VIT: variants seen among roughly 807,000 people sequenced by gnomAD.
VIT encodes the protein vitrin.
A neutral mutation model predicts 78.0 loss-of-function variants in VIT; 99 were observed. The ratio of observed to expected loss-of-function variants is 1.27; its 90% CI spans 1.08 to 1.50. VIT has a LOEUF of 1.50. Among genes scored for constraint, VIT ranks in the 40% most tolerant of loss-of-function variants. VIT has a pLI of 0.00. For synonymous variants in VIT, 374 were observed against 334.3 expected (o/e 1.12, Z -1.29); for missense variants, 1,126 against 875.3 (o/e 1.29, Z -3.61).
At chr2:36,716,309 C>T in intron 1 of VIT, 44 bp from the exon 2 acceptor site, 1 of 1,552,662 alleles carries the variant, frequency 6.4e-7, no homozygotes, top group Non-Finnish European at 8.9e-7. Context: ...CAAATCAGAA[C>T]CCCCGGCTGA....
At chr2:36,748,668 A>C (rs1235154563) in intron 4 of VIT, among the ~76,000 whole-genome samples, 4 of 152,172 alleles carry the variant, frequency 2.6e-5, no homozygotes, top group Admixed American at 2.6e-4. Flanking sequence ...TTAGGTTTCA[A>C]CTATCTTCTG....
chr2:36,705,140 A>G (rs147471401), intron 1 of VIT, among the ~76,000 whole-genome samples: 331 of 152,316 alleles, frequency 2.2e-3, no homozygotes, highest in Admixed American at 5.8e-3. Flanking sequence ...CCAAAGCTTC[A>G]TGAGAATCTT....
chr2:36,728,954 A>T (rs1174052618), intron 2 of VIT, among the ~76,000 whole-genome samples: 2 of 151,902 alleles, frequency 1.3e-5, no homozygotes, highest in Non-Finnish European at 2.9e-5. Flanking sequence ...TCACTGACTC[A>T]CCCAGAGCAA....
At chr2:36,698,321 C>T (rs1222857310) in intron 1 of VIT, among the ~76,000 whole-genome samples, 2 of 152,094 alleles carry the variant, frequency 1.3e-5, no homozygotes, top group Admixed American at 6.5e-5. Context: ...TCTTTTCCAC[C>T]AAGTTACTGA....
chr2:36,703,071 C>A (rs2148411559), intron 1 of VIT, among the ~76,000 whole-genome samples: 1 of 152,278 alleles, frequency 6.6e-6, no homozygotes, highest in African/African-American at 2.4e-5. Context: ...AATCATGGGA[C>A]AGACACCAAG....
intron 4 of VIT, among the ~76,000 whole-genome samples, chr2:36,749,707 A>C (rs1438414165): frequency 6.6e-6 from 1 of 152,208 alleles, no homozygotes; most frequent in South Asian, 2.1e-4. Flanking sequence ...TGCCCAGGAC[A>C]GCTTTGAGAT....
chr2:36,718,746 C>G (rs1666315530), intron 2 of VIT, among the ~76,000 whole-genome samples: 1 of 152,206 alleles, frequency 6.6e-6, no homozygotes. Flanking sequence ...TGCTATTATC[C>G]TCAGAGACTG....
chr2:36,765,710 A>C (rs1294123864), intron 6 of VIT, among the ~76,000 whole-genome samples: 2 of 152,272 alleles, frequency 1.3e-5, no homozygotes, highest in African/African-American at 2.4e-5. Context: ...CCACAAGCCA[A>C]GGAATGCCAG....
chr2:36,783,610 T>C (rs145851044), intron 11 of VIT, among the ~76,000 whole-genome samples: 144 of 152,224 alleles, frequency 9.5e-4, no homozygotes, highest in Non-Finnish European at 1.6e-3. Flanking sequence ...GATCAAAATG[T>C]TTTAACATCA....
intron 13 of VIT, among the ~76,000 whole-genome samples, chr2:36,804,366 C>A (rs1258986038): frequency 6.6e-6 from 1 of 152,236 alleles, no homozygotes; most frequent in East Asian, 1.9e-4. Flanking sequence ...GACCCCAGAA[C>A]ACAGCTCTGT....
At chr2:36,785,745 C>T (rs530192252) in intron 11 of VIT, among the ~76,000 whole-genome samples, 35 of 152,298 alleles carry the variant, frequency 2.3e-4, no homozygotes, top group South Asian at 6.2e-4. Flanking sequence ...CAGCCAGTGC[C>T]AGACGGGTCC....
chr2:36,801,302 GACA>G lies in VIT; in HGVS notation c.1063_1065del (p.Asn355del). ...GTATTTCTTGTTCTGACTCTTCAGA[GACA>G]ACCCTGCTACTCACTTTAACCTCAA... is the stretch of plus-strand genomic sequence containing the variant. On this transcript the variant is annotated inframe_deletion and splice_region_variant, in exon 13 of 16. Coordinates refer to ENST00000379242, the MANE Select transcript of VIT (RefSeq NM_053276.4). The G allele has an allele frequency of 6.2e-7, 1 of 1,613,692 alleles. No homozygotes were observed. The highest frequency in any genetic ancestry group is 1.1e-5 in the South Asian group (1 of 91,042).
chr2:36,807,346 G>T (rs973779442), intron 14 of VIT, among the ~76,000 whole-genome samples: 1 of 151,962 alleles, frequency 6.6e-6, no homozygotes, highest in Admixed American at 6.6e-5. Flanking sequence ...ACAGCCCTGT[G>T]TTCAGTCCAG....
chr2:36,731,159 C>T (rs1394290019), intron 3 of VIT, among the ~76,000 whole-genome samples: 1 of 152,034 alleles, frequency 6.6e-6, no homozygotes, highest in Non-Finnish European at 1.5e-5. Context: ...TTGGCTGCCT[C>T]CTACCGCTCT....
chr2:36,714,913 C>T lies in VIT; in HGVS notation c.-18-1440C>T, dbSNP rs72869219. 9.2e-3 allele frequency among the ~76,000 whole-genome samples: 1,406 copies of T among 152,284 alleles called. 27 individuals carry two copies. The highest frequency in any genetic ancestry group is 0.032 in the African/African-American group (1,341 of 41,546). ...AGTATCAGCAAACCTTTGGCAGTGT[C>T]GTCATAGCCTTAAGAGAAAGATGAG... On this transcript the variant is annotated intron_variant, in intron 1 of 15. Coordinates refer to ENST00000379242, the MANE Select transcript of VIT (RefSeq NM_053276.4).
At chr2:36,772,133 G>A (rs1037873050) in intron 7 of VIT, among the ~76,000 whole-genome samples, 11 of 152,146 alleles carry the variant, frequency 7.2e-5, no homozygotes, top group African/African-American at 9.7e-5. Context: ...GAGGCTGGGC[G>A]TGGTGGCTCA....
At chr2:36,759,469 C>T in intron 6 of VIT, 1 of 1,202,228 alleles carries the variant, frequency 8.3e-7, no homozygotes, top group Non-Finnish European at 1.0e-6. Context: ...GCTGCTCATC[C>T]AAATAACCCA....
intron 9 of VIT, among the ~76,000 whole-genome samples, chr2:36,781,117 A>C (rs959141292): frequency 1.3e-5 from 2 of 152,234 alleles, no homozygotes; most frequent in African/African-American, 4.8e-5. Flanking sequence ...AGTGAGAAGC[A>C]GAATCTCGGG....
chr2:36,768,912 C>G (rs1328728823), intron 7 of VIT, among the ~76,000 whole-genome samples: 1 of 152,130 alleles, frequency 6.6e-6, no homozygotes, highest in Non-Finnish European at 1.5e-5. Flanking sequence ...TATTATTATG[C>G]TATTTTATGG....
Sources: allele counts gnomAD v4.1 joint callset (sites outside exome capture counted in the v4.1 genomes callset), GRCh38; gene constraint gnomAD v4.1.1; transcripts MANE v1.5; gene names NCBI Gene and HGNC (gene_info 2026-07-23, HGNC 2026-07-21).